RERG: variants seen among roughly 807,000 people sequenced by gnomAD.
RERG encodes the protein RAS like estrogen regulated growth inhibitor.
In RERG, 25 loss-of-function variants were observed where a neutral mutation model predicts 23.2. The ratio of observed to expected loss-of-function variants is 1.08; its 90% CI spans 0.79 to 1.50. The LOEUF (loss-of-function observed/expected upper bound fraction) is 1.50, where lower values mean the gene tolerates loss of function less well. Among genes scored for constraint, RERG ranks in the 40% most tolerant of loss-of-function variants. RERG has a pLI of 0.00. For synonymous variants in RERG, 81 were observed against 89.1 expected (o/e 0.91, Z 0.51); for missense variants, 253 against 250.1 (o/e 1.01, Z -0.08).
chr12:15,115,998 G>T (rs1863713661), intron 3 of RERG, among the ~76,000 whole-genome samples: 1 of 152,064 alleles, frequency 6.6e-6, no homozygotes, highest in Non-Finnish European at 1.5e-5. Flanking sequence ...CATTCTCCTA[G>T]AATATGTAAT....
chr12:15,136,241 G>A (rs555179153), intron 2 of RERG, among the ~76,000 whole-genome samples: 52 of 151,974 alleles, frequency 3.4e-4, no homozygotes, highest in South Asian at 1.2e-3. Flanking sequence ...GCTCTGTCGT[G>A]ATATCTATCC....
intron 2 of RERG, among the ~76,000 whole-genome samples, chr12:15,150,019 C>G (rs1282137256): frequency 4.6e-5 from 7 of 152,166 alleles, no homozygotes; most frequent in African/African-American, 1.7e-4. Context: ...GGTTCTCCTA[C>G]TATGCTACTT....
chr12:15,173,744 A>C (rs1266614824), intron 2 of RERG, among the ~76,000 whole-genome samples: 1 of 151,622 alleles, frequency 6.6e-6, no homozygotes, highest in Non-Finnish European at 1.5e-5. Flanking sequence ...ATTGTTAATA[A>C]AATTGTTTTC....
chr12:15,121,178 A>G (rs907212407), intron 2 of RERG, 59 bp from the exon 3 acceptor site: 7 of 1,353,000 alleles, frequency 5.2e-6, no homozygotes, highest in South Asian at 1.2e-5. Flanking sequence ...TAGCACACCT[A>G]TCTTTTTAAG....
intron 3 of RERG, chr12:15,112,217 C>T (rs1252702125): frequency 6.6e-6 from 1 of 152,126 alleles, no homozygotes; most frequent in Non-Finnish European, 1.5e-5. Flanking sequence ...AGAGATATTA[C>T]CAGGAAGTGA....
At chr12:15,120,024 G>C (rs1401683180) in intron 3 of RERG, among the ~76,000 whole-genome samples, 3 of 152,014 alleles carry the variant, frequency 2.0e-5, no homozygotes, top group Admixed American at 1.3e-4. Context: ...ATGGTGTCCT[G>C]GTGTAAACAA....
At chr12:15,111,446 A>AAAAGAT in intron 3 of RERG, 29 bp from the exon 4 acceptor site, 1 of 1,542,814 alleles carries the variant, frequency 6.5e-7, no homozygotes, top group Admixed American at 1.8e-5. Context: ...AAAAAAGACA[A>AAAAGAT]AAAGATAAAT....
rs560434160 is a variant in RERG, at chr12:15,214,746, T to C, written c.61+2683A>G. ...CTCGTAGTCCTAGTTACTGGGGAGA[T>C]CAAGGTGGGAGGATCTCTTGAGCCC... On this transcript the variant is annotated intron_variant, in intron 2 of 4. Transcript: ENST00000256953. 1.7e-4 allele frequency among the ~76,000 whole-genome samples: 26 copies of C among 152,210 alleles called. No homozygotes were observed. In the South Asian group the frequency reaches 4.8e-3, roughly 28 times the overall value.
intron 2 of RERG, among the ~76,000 whole-genome samples, chr12:15,149,071 G>C (rs1345468382): frequency 6.6e-6 from 1 of 151,402 alleles, no homozygotes; most frequent in Non-Finnish European, 1.5e-5. Context: ...GGGTTTCACT[G>C]TATTAGCAAG....
chr12:15,194,561 C>A (rs1256618816), intron 2 of RERG, among the ~76,000 whole-genome samples: 1 of 151,670 alleles, frequency 6.6e-6, no homozygotes, highest in Non-Finnish European at 1.5e-5. Context: ...ATGCCACACT[C>A]TTCCTGCCAT....
chr12:15,111,710 G>T (rs1347800486), intron 3 of RERG, among the ~76,000 whole-genome samples: 1 of 145,554 alleles, frequency 6.9e-6, no homozygotes, highest in Non-Finnish European at 1.5e-5. Context: ...TTTTGACAGG[G>T]TCTAGCTCTG....
chr12:15,182,788 T>C (rs2136129897), intron 2 of RERG, among the ~76,000 whole-genome samples: 1 of 152,236 alleles, frequency 6.6e-6, no homozygotes, highest in South Asian at 2.1e-4. Context: ...ACTAAGAAGG[T>C]ATTAAGCCTT....
At chr12:15,109,577 T>C in intron 4 of RERG, 60 bp from the exon 5 acceptor site, 1 of 1,348,742 alleles carries the variant, frequency 7.4e-7, no homozygotes, top group Non-Finnish European at 1.0e-6. Flanking sequence ...ATATGGATGC[T>C]GGTAATGCTG....
rs372099543 is a variant in RERG at position 15,121,179 on chromosome 12, T to C, written c.62-60A>G. Reference sequence around the variant, plus strand: ...TTTGTTAATTTGCTTAGCACACCTATCTTTTTAAGGAAAGCGAAATGCTCC... The same window carrying C: ...TTTGTTAATTTGCTTAGCACACCTACCTTTTTAAGGAAAGCGAAATGCTCC... On this transcript the variant is annotated intron_variant, in intron 2 of 4. Coordinates refer to ENST00000256953, the MANE Select transcript of RERG (RefSeq NM_032918.3). 10 of 1,331,190 alleles carry C rather than the reference T, an allele frequency of 7.5e-6. No individual in the cohort carries two copies. The African/African-American group carries it at 1.2e-4, about 15-fold the overall frequency. 82.5% of individuals were successfully genotyped at this position (1,331,190 alleles called of 1,614,324 possible). A position where few individuals can be genotyped will look rare whatever the true frequency, so the allele number is the denominator to read the frequency against.
intron 2 of RERG, among the ~76,000 whole-genome samples, chr12:15,192,911 T>C (rs894359628): frequency 6.6e-6 from 1 of 152,190 alleles, no homozygotes. Context: ...CCCTTCTCAG[T>C]GCATCATATA....
At chr12:15,218,051 T>C (rs1865466573) in intron 1 of RERG, 1 of 152,458 alleles carries the variant, frequency 6.6e-6, no homozygotes, top group South Asian at 2.1e-4. Context: ...TCAACTCCAA[T>C]GCAACACAAT....
At chr12:15,181,741 G>A (rs540061471) in intron 2 of RERG, among the ~76,000 whole-genome samples, 3 of 152,298 alleles carry the variant, frequency 2.0e-5, no homozygotes, top group East Asian at 3.9e-4. Flanking sequence ...GAAGGCAAAC[G>A]ACTAAAGCCT....
At chr12:15,120,622 G>A (rs4551825) in intron 3 of RERG, among the ~76,000 whole-genome samples, 102,738 of 151,942 alleles carry the variant, frequency 0.68, 34,842 homozygotes, top group Admixed American at 0.75. Context: ...GGCTTTAGTC[G>A]GATGTATTGG....
intron 2 of RERG, among the ~76,000 whole-genome samples, chr12:15,215,580 A>C (rs1161723427): frequency 6.6e-6 from 1 of 152,228 alleles, no homozygotes; most frequent in East Asian, 1.9e-4. Flanking sequence ...AAGCAGTTTC[A>C]GTAGCATGGT....
Sources: allele counts gnomAD v4.1 joint callset (sites outside exome capture counted in the v4.1 genomes callset), GRCh38; gene constraint gnomAD v4.1.1; transcripts MANE v1.5; gene names NCBI Gene and HGNC (gene_info 2026-07-23, HGNC 2026-07-21).